The following NID1 variants were observed in gnomAD, a reference collection of about 807,000 sequenced individuals.
The protein encoded by NID1 is nidogen 1.
In NID1, 76 loss-of-function variants were observed where a neutral mutation model predicts 130.6. That is an observed-to-expected ratio of 0.58 (90% CI 0.48 to 0.70). The LOEUF (loss-of-function observed/expected upper bound fraction) is 0.70, where lower values mean the gene tolerates loss of function less well. Among genes scored for constraint, NID1 ranks in the 30% least tolerant of loss-of-function variants. The probability of loss-of-function intolerance (pLI) is 0.00; values close to 1 mark genes in which losing one functional copy is unlikely to be tolerated. For synonymous variants in NID1, 665 were observed against 675.1 expected (o/e 0.98, Z 0.23); for missense variants, 1,517 against 1,664.8 (o/e 0.91, Z 1.54).
chr1:236,038,319 C>T, intron 4 of NID1, 66 bp from the exon 5 acceptor site: 2 of 1,551,434 alleles, frequency 1.3e-6, no homozygotes, highest in South Asian at 1.2e-5. Flanking sequence ...TGGGCTCTCT[C>T]ATCTAGGCAC....
intron 16 of NID1, 74 bp from the exon 17 acceptor site, chr1:235,980,727 T>G: frequency 2.1e-6 from 3 of 1,458,260 alleles, no homozygotes; most frequent in Non-Finnish European, 2.8e-6. Context: ...TGAAAAACAC[T>G]TGAAAAGAAT....
At chr1:236,063,169 A>AAAAAG (rs1660089493) in intron 1 of NID1, among the ~76,000 whole-genome samples, 1 of 127,574 alleles carries the variant, frequency 7.8e-6, no homozygotes, top group African/African-American at 2.7e-5. Context: ...AAAAAAAAAA[A>AAAAAG]AAAAAAGTAA....
intron 10 of NID1, among the ~76,000 whole-genome samples, chr1:236,016,922 G>C (rs957922304): frequency 3.9e-5 from 6 of 152,186 alleles, no homozygotes; most frequent in Non-Finnish European, 8.8e-5. Flanking sequence ...GGCAACAGGT[G>C]AGGCGATGGT....
chr1:236,014,350 T>C (rs1658524930), intron 10 of NID1, among the ~76,000 whole-genome samples: 1 of 152,084 alleles, frequency 6.6e-6, no homozygotes, highest in African/African-American at 2.4e-5. Context: ...CAAAGCCTGA[T>C]GGGAGGGAAT....
At chr1:236,037,231 C>T (rs10927317) in intron 5 of NID1, among the ~76,000 whole-genome samples, 139,658 of 152,310 alleles carry the variant, frequency 0.92, 64,252 homozygotes, top group East Asian at 1. Flanking sequence ...TGATGCTCAA[C>T]TGTAACCACG....
intron 9 of NID1, among the ~76,000 whole-genome samples, chr1:236,017,764 C>G (rs1370088862): frequency 1.3e-5 from 2 of 152,148 alleles, no homozygotes; most frequent in African/African-American, 4.8e-5. Flanking sequence ...GATCCCCATG[C>G]CTTTCTCCTA....
chr1:236,018,880 C>T lies in NID1; in HGVS notation c.2129-1607G>A, dbSNP rs1658676529. ...AATCGTTGACATGTGGGAGTCAAAGCCTCCTATGTCCACCTTCAATGTCCA... is the reference window on the plus strand; with the variant it reads ...AATCGTTGACATGTGGGAGTCAAAGTCTCCTATGTCCACCTTCAATGTCCA... On this transcript the variant is annotated intron_variant, in intron 9 of 19. Coordinates refer to ENST00000264187, the MANE Select transcript of NID1 (RefSeq NM_002508.3). 3.3e-5 allele frequency among the ~76,000 whole-genome samples: 5 copies of T among 152,190 alleles called. No homozygotes were observed. In the South Asian group the frequency reaches 1.0e-3, roughly 31 times the overall value.
intron 1 of NID1, among the ~76,000 whole-genome samples, chr1:236,064,042 C>G (rs1008361359): frequency 2.6e-5 from 4 of 152,206 alleles, no homozygotes; most frequent in Admixed American, 2.0e-4. Context: ...GTTCCAACCC[C>G]CTTCCCCCGG....
At chr1:236,015,936 C>T (rs1658583658) in intron 10 of NID1, among the ~76,000 whole-genome samples, 1 of 152,226 alleles carries the variant, frequency 6.6e-6, no homozygotes, top group African/African-American at 2.4e-5. Context: ...TGACTGGATC[C>T]AGAAACCCAG....
chr1:236,049,522 C>G (rs1451239150), intron 1 of NID1, among the ~76,000 whole-genome samples: 1 of 151,950 alleles, frequency 6.6e-6, no homozygotes, highest in Non-Finnish European at 1.5e-5. Context: ...AAGGTCCAGC[C>G]CCCACCTTTT....
chr1:236,011,870 A>G, intron 12 of NID1, 51 bp downstream of exon 12: 1 of 1,605,744 alleles, frequency 6.2e-7, no homozygotes, highest in South Asian at 1.1e-5. Context: ...TGTGCTCTGC[A>G]TTCATGGACA....
chr1:236,016,830 A>G (rs1658606203), intron 10 of NID1, among the ~76,000 whole-genome samples: 1 of 91,486 alleles, frequency 1.1e-5, no homozygotes, highest in African/African-American at 6.5e-5. Context: ...TGGAAGAAAC[A>G]TGTCTAATAG....
At chr1:236,017,300 A>G (rs1187844315) in intron 9 of NID1, 27 bp from the exon 10 acceptor site, 1 of 1,612,148 alleles carries the variant, frequency 6.2e-7, no homozygotes, top group South Asian at 1.1e-5. Flanking sequence ...TTTTTACTGC[A>G]GGCTTTTTTT....
chr1:236,055,496 C>T (rs993945769), intron 1 of NID1, among the ~76,000 whole-genome samples: 4 of 151,460 alleles, frequency 2.6e-5, no homozygotes, highest in African/African-American at 9.7e-5. Flanking sequence ...TTTTTAAAAA[C>T]ATATAACAGG....
intron 1 of NID1, among the ~76,000 whole-genome samples, chr1:236,056,776 GCACATTAGAC>G (rs1203534122): frequency 1.3e-5 from 2 of 152,000 alleles, no homozygotes; most frequent in African/African-American, 4.8e-5. Flanking sequence ...GTTGCACTGG[GCACATTAGAC>G]CACATTAATG....
chr1:236,029,558 G>T lies in NID1; in HGVS notation c.1730C>A (p.Ser577Tyr). ...IEPYTELYHY[S>Y]TSVITSSSTR... ...ACACAGCTGGGGCTCACCTGAGGTGGAGTAGTGGTACAGCTCCGTGTAGGG... is the reference window on the plus strand; with the variant it reads ...ACACAGCTGGGGCTCACCTGAGGTGTAGTAGTGGTACAGCTCCGTGTAGGG... The change falls in exon 7 of 20, where the codon TCC becomes TAC. Residue 577 changes from serine (S) to tyrosine (Y), a missense_variant. By Grantham distance (144) the Ser-to-Tyr change is moderately radical. Transcript: ENST00000264187. 1.3e-6 allele frequency: 2 copies of T among 1,559,556 alleles called. No individual in the cohort carries two copies. The highest frequency in any genetic ancestry group is 1.4e-5 in the African/African-American group (1 of 73,698).
chr1:236,006,490 G>A (rs1436534254), intron 12 of NID1, among the ~76,000 whole-genome samples: 2 of 152,182 alleles, frequency 1.3e-5, no homozygotes, highest in African/African-American at 4.8e-5. Flanking sequence ...TACAATGAGT[G>A]TGCAATCAGC....
At chr1:236,034,933 C>T (rs2102833626) in intron 5 of NID1, among the ~76,000 whole-genome samples, 1 of 150,290 alleles carries the variant, frequency 6.7e-6, no homozygotes, top group African/African-American at 2.5e-5. Context: ...AGGGTCAGGA[C>T]TTTCACACCC....
rs569188090 is a variant in NID1, at chr1:236,048,189, G to C, written c.525+501C>G. On this transcript the variant is annotated intron_variant, in intron 2 of 19. Coordinates refer to ENST00000264187, the MANE Select transcript of NID1 (RefSeq NM_002508.3). ...TCTACTAAAAATACAAAAAAAACCA[G>C]CCGGGCGTGGTGGTGGTCGCCTGTA... Among the ~76,000 whole-genome samples, 12 of 150,282 alleles carry C rather than the reference G, an allele frequency of 8.0e-5. No individual in the cohort carries two copies. In the South Asian group the frequency reaches 2.1e-3, roughly 27 times the overall value.
Sources: gnomAD v4.1 joint callset for allele counts (sites outside exome capture counted in the v4.1 genomes callset) on GRCh38, gnomAD v4.1.1 for gene constraint, MANE v1.5 for transcripts, NCBI Gene and HGNC (gene_info 2026-07-23, HGNC 2026-07-21) for gene names.